ATP8B4: variants seen among roughly 807,000 people sequenced by gnomAD.
The protein encoded by ATP8B4 is ATPase phospholipid transporting 8B4 (putative).
Under a neutral mutation model 145.6 loss-of-function variants are expected in ATP8B4, and 133 were observed. That is an observed-to-expected ratio of 0.91 (90% CI 0.79 to 1.05). The LOEUF (loss-of-function observed/expected upper bound fraction) is 1.05. Ranked by LOEUF, ATP8B4 falls within the 50% of genes least tolerant of loss-of-function variation. The pLI, the probability that ATP8B4 is intolerant of heterozygous loss-of-function variation, is 0.00. For missense variants in ATP8B4, 1,458 were observed against 1,425.2 expected (o/e 1.02, Z -0.37); for synonymous variants, 507 against 492.9 (o/e 1.03, Z -0.38).
chr15:50,071,961 A>G (rs1385660009), intron 3 of ATP8B4, among the ~76,000 whole-genome samples: 1 of 152,078 alleles, frequency 6.6e-6, no homozygotes, highest in African/African-American at 2.4e-5. Context: ...TATAATCACA[A>G]GTTTGCATGA....
At chr15:50,081,723 T>G (rs545304374) in intron 2 of ATP8B4, among the ~76,000 whole-genome samples, 1 of 152,332 alleles carries the variant, frequency 6.6e-6, no homozygotes, top group Admixed American at 6.5e-5. Flanking sequence ...AGGGAAGAGT[T>G]AGCAAGTTTC....
intron 23 of ATP8B4, chr15:49,885,851 G>A (rs1229950815): frequency 1.3e-5 from 2 of 152,266 alleles, no homozygotes; most frequent in Admixed American, 6.6e-5. Flanking sequence ...CTTCACTTCT[G>A]GAACTTTCCT....
At chr15:49,877,630 A>G (rs2034672525) in intron 24 of ATP8B4, among the ~76,000 whole-genome samples, 1 of 152,128 alleles carries the variant, frequency 6.6e-6, no homozygotes, top group South Asian at 2.1e-4. Flanking sequence ...TCATGAGCTC[A>G]ATCCCTGGTA....
At chr15:49,941,694 C>T (rs908677171) in intron 14 of ATP8B4, among the ~76,000 whole-genome samples, 22 of 152,216 alleles carry the variant, frequency 1.4e-4, no homozygotes, top group African/African-American at 5.3e-4. Flanking sequence ...TACTAGGTAT[C>T]TACCCAAAGG....
At chr15:49,866,857 T>A (rs557432547) in intron 25 of ATP8B4, among the ~76,000 whole-genome samples, 1 of 152,356 alleles carries the variant, frequency 6.6e-6, no homozygotes, top group South Asian at 2.1e-4. Context: ...AAAAAATTCT[T>A]TCTGTAATGG....
chr15:49,881,140 A>G (rs903564330), intron 23 of ATP8B4, among the ~76,000 whole-genome samples: 1 of 152,002 alleles, frequency 6.6e-6, no homozygotes, highest in Non-Finnish European at 1.5e-5. Context: ...AACAAAAAAA[A>G]GCCTTGATTT....
intron 23 of ATP8B4, among the ~76,000 whole-genome samples, chr15:49,881,135 A>C (rs2035341352): frequency 6.7e-6 from 1 of 149,896 alleles, no homozygotes; most frequent in African/African-American, 2.5e-5. Flanking sequence ...AAACAAACAA[A>C]AAAAAGCCTT....
At chr15:49,887,011 C>T (rs190143993) in intron 23 of ATP8B4, among the ~76,000 whole-genome samples, 287 of 152,028 alleles carry the variant, frequency 1.9e-3, no homozygotes, top group African/African-American at 6.6e-3. Flanking sequence ...GGTTTTGCCA[C>T]GTTGGCCAGG....
chr15:49,909,213 C>T (rs1262224586), intron 20 of ATP8B4, among the ~76,000 whole-genome samples: 1 of 152,132 alleles, frequency 6.6e-6, no homozygotes, highest in Admixed American at 6.5e-5. Flanking sequence ...CCACCATCCA[C>T]TGCCGTGGCT....
intron 10 of ATP8B4, among the ~76,000 whole-genome samples, chr15:49,986,488 C>T (rs60008310): frequency 6.6e-6 from 1 of 152,294 alleles, no homozygotes; most frequent in Non-Finnish European, 1.5e-5. Flanking sequence ...TGGCAATGCC[C>T]CAAGCGGCAA....
At chr15:50,018,505 A>G (rs1351475485) in intron 6 of ATP8B4, among the ~76,000 whole-genome samples, 1 of 152,176 alleles carries the variant, frequency 6.6e-6, no homozygotes, top group Non-Finnish European at 1.5e-5. Context: ...CCACAACTAA[A>G]CTATCTCTGT....
intron 14 of ATP8B4, among the ~76,000 whole-genome samples, chr15:49,937,219 A>G (rs569501594): frequency 3.9e-5 from 6 of 152,296 alleles, no homozygotes; most frequent in African/African-American, 1.4e-4. Context: ...AACTCTACAA[A>G]GGCAGGACTT....
intron 14 of ATP8B4, among the ~76,000 whole-genome samples, chr15:49,941,504 A>C (rs2042160170): frequency 6.6e-6 from 1 of 152,202 alleles, no homozygotes; most frequent in African/African-American, 2.4e-5. Context: ...TCTGCAATTA[A>C]CTGATCAAAG....
intron 27 of ATP8B4, among the ~76,000 whole-genome samples, chr15:49,862,028 T>C (rs577818150): frequency 6.6e-6 from 1 of 152,332 alleles, no homozygotes; most frequent in South Asian, 2.1e-4. Context: ...TGACTCCCCA[T>C]CCACATTTAG....
Position 49,866,327 on chromosome 15 carries a change from G to C in ATP8B4, c.3166+19C>G, listed in dbSNP as rs2032785084. On this transcript the variant is annotated intron_variant, in intron 26 of 27. Coordinates refer to ENST00000284509, the MANE Select transcript of ATP8B4 (RefSeq NM_024837.4). ...CAGCAGCAGACACTAGGTTCCACTA[G>C]TCAACATGACTCACTTACCAACAAA... 1.6e-5 allele frequency: 26 copies of C among 1,612,312 alleles called. No homozygotes were observed. In the East Asian group the frequency reaches 5.8e-4, roughly 36 times the overall value.
At chr15:49,892,130 AT>A (rs1312923768) in intron 23 of ATP8B4, among the ~76,000 whole-genome samples, 2 of 151,462 alleles carry the variant, frequency 1.3e-5, no homozygotes, top group Non-Finnish European at 2.9e-5. Context: ...AAAAAAAAAA[AT>A]CTTAAAAGTC....
chr15:49,913,067 G>A (rs1173406523), intron 20 of ATP8B4, among the ~76,000 whole-genome samples: 1 of 151,832 alleles, frequency 6.6e-6, no homozygotes, highest in Non-Finnish European at 1.5e-5. Context: ...GGAGGTCGAT[G>A]CTGCAGTGAG....
chr15:50,172,844 G>C (rs2044700941), intron 1 of ATP8B4, among the ~76,000 whole-genome samples: 1 of 151,998 alleles, frequency 6.6e-6, no homozygotes, highest in Admixed American at 6.6e-5. Context: ...CACCCCGTCT[G>C]GGAGGTGAGG....
chr15:49,969,378 C>G (rs973055426), intron 13 of ATP8B4, among the ~76,000 whole-genome samples: 1 of 151,280 alleles, frequency 6.6e-6, no homozygotes, highest in African/African-American at 2.4e-5. Context: ...AGACCACTAG[C>G]CAGAATAATA....
Sources: gnomAD v4.1 joint callset for allele counts (sites outside exome capture counted in the v4.1 genomes callset) on GRCh38, gnomAD v4.1.1 for gene constraint, MANE v1.5 for transcripts, NCBI Gene and HGNC (gene_info 2026-07-23, HGNC 2026-07-21) for gene names.